PUM1: variants seen among roughly 807,000 people sequenced by gnomAD.
PUM1 encodes pumilio homolog 1.
Under a neutral mutation model 131.8 loss-of-function variants are expected in PUM1, and 13 were observed. The observed-to-expected ratio is 0.10, with a 90% CI of 0.06 to 0.16. The LOEUF is 0.16. PUM1 is among the 10% of genes least tolerant of loss of function. PUM1 has a pLI of 1.00. For missense variants in PUM1, 961 were observed against 1,512.4 expected (o/e 0.64, Z 6.05); for synonymous variants, 509 against 556.5 (o/e 0.91, Z 1.20).
Position 30,981,382 on chromosome 1 carries a change from A to G in PUM1, c.1182T>C (p.Leu394=), listed in dbSNP as rs146732607. The G allele has an allele frequency of 1.7e-4, 265 of 1,604,228 alleles. 1 individual carries two copies. In the African/African-American group the frequency reaches 3.3e-3, roughly 20 times the overall value. Reference sequence around the variant, plus strand: ...GAGCAGCTGTCAACTGCTGGACAGCAAGCGCATTAGGTCTTTGGAACAGCT... The same window carrying G: ...GAGCAGCTGTCAACTGCTGGACAGCGAGCGCATTAGGTCTTTGGAACAGCT... The part of the protein sequence containing the change: ...QQQLFQRPNA[L]AVQQLTAAQQ... Residue 394 remains leucine, a synonymous_variant, in exon 8 of 22, where the codon CTT becomes CTC. Coordinates refer to ENST00000426105, the MANE Select transcript of PUM1 (RefSeq NM_001020658.2).
intron 10 of PUM1, among the ~76,000 whole-genome samples, chr1:30,972,691 T>G (rs1640967578): frequency 6.6e-6 from 1 of 150,760 alleles, no homozygotes; most frequent in African/African-American, 2.4e-5. Flanking sequence ...GAAGAATCAC[T>G]TGAACCCAGG....
chr1:30,950,347 C>T, intron 16 of PUM1, 86 bp from the exon 17 acceptor site: 2 of 1,413,644 alleles, frequency 1.4e-6, no homozygotes, highest in East Asian at 4.7e-5. Context: ...TCTGCATCAA[C>T]CACTGGCATA....
intron 14 of PUM1, among the ~76,000 whole-genome samples, chr1:30,963,643 C>T (rs1027358409): frequency 6.6e-6 from 1 of 152,162 alleles, no homozygotes; most frequent in Non-Finnish European, 1.5e-5. Context: ...ACGAAGGCAT[C>T]CTGTTTGTTT....
chr1:31,042,612 CTTTTT>C (rs1245250308), intron 2 of PUM1, among the ~76,000 whole-genome samples: 1 of 151,884 alleles, frequency 6.6e-6, no homozygotes, highest in Non-Finnish European at 1.5e-5. Context: ...GTCTTTTTTT[CTTTTT>C]TAACTGTTTG....
chr1:30,962,622 G>C lies in PUM1; in HGVS notation c.2323+2052C>G, dbSNP rs1464690484. On this transcript the variant is annotated intron_variant, in intron 14 of 21. Transcript: ENST00000426105. ...AGGCGGGGCTTCACTATGTTGGCCA[G>C]ACTGGTCTTGAACTCCTGACCTCAA... Among the ~76,000 whole-genome samples the C allele has an allele frequency of 2.0e-5, 3 of 152,210 alleles. No homozygotes were observed. In the East Asian group the frequency reaches 5.8e-4, roughly 29 times the overall value.
chr1:30,932,286 C>A lies in PUM1; in HGVS notation c.*925G>T, dbSNP rs1638995496. 1 of 152,472 alleles carries A rather than the reference C, an allele frequency of 6.6e-6. No individual in the cohort carries two copies. Among genetic ancestry groups the A allele is most frequent in the Non-Finnish European group, 1.5e-5 (1 of 68,006 alleles). 9.4% of individuals were successfully genotyped at this position (152,472 alleles called of 1,614,324 possible). On this transcript the variant is annotated 3_prime_UTR_variant, in exon 22 of 22. Coordinates refer to ENST00000426105, the MANE Select transcript of PUM1 (RefSeq NM_001020658.2). The stretch of plus-strand genomic sequence containing the variant: ...AAAAGTATGTTCGACTACTAGGGTA[C>A]ATTATAGATACAGATTAGACATCAA...
intron 20 of PUM1, among the ~76,000 whole-genome samples, chr1:30,937,430 G>A (rs1228327787): frequency 3.3e-5 from 5 of 152,074 alleles, no homozygotes; most frequent in South Asian, 2.1e-4. Context: ...TGCTTGAATC[G>A]GGAGGCGGAG....
intron 5 of PUM1, among the ~76,000 whole-genome samples, chr1:30,998,454 C>G (rs921551321): frequency 2.0e-5 from 3 of 151,120 alleles, no homozygotes; most frequent in African/African-American, 7.4e-5. Context: ...CTGGGCAACA[C>G]AGAGGAGACG....
chr1:30,987,817 T>C (rs1027742139), intron 7 of PUM1, among the ~76,000 whole-genome samples: 1 of 152,220 alleles, frequency 6.6e-6, no homozygotes, highest in African/African-American at 2.4e-5. Context: ...AGCATGTTCT[T>C]CAATTATGAT....
chr1:31,029,170 T>C (rs1055918548), intron 2 of PUM1, among the ~76,000 whole-genome samples: 2 of 152,246 alleles, frequency 1.3e-5, no homozygotes, highest in Admixed American at 1.3e-4. Flanking sequence ...ACTTTTTAAT[T>C]TAATAAGACC....
At chr1:31,057,745 A>C (rs1012805995) in intron 2 of PUM1, among the ~76,000 whole-genome samples, 7 of 151,602 alleles carry the variant, frequency 4.6e-5, no homozygotes, top group Admixed American at 2.0e-4. Context: ...AAAAAAAAAA[A>C]AACAACTATG....
chr1:30,988,185 T>C (rs574845549), intron 7 of PUM1, among the ~76,000 whole-genome samples: 39 of 152,322 alleles, frequency 2.6e-4, no homozygotes, highest in Middle Eastern at 3.4e-3. Context: ...CCTGCTCTTA[T>C]AAATAAACCT....
chr1:31,028,906 T>C, intron 2 of PUM1, 42 bp from the exon 3 acceptor site: 1 of 1,515,766 alleles, frequency 6.6e-7, no homozygotes, highest in Non-Finnish European at 9.2e-7. Flanking sequence ...CAAGTCAGCA[T>C]CTTGAATTTT....
intron 11 of PUM1, 98 bp downstream of exon 11, chr1:30,968,256 T>C: frequency 2.6e-6 from 4 of 1,540,924 alleles, no homozygotes; most frequent in Non-Finnish European, 3.6e-6. Flanking sequence ...ATGACAAGCC[T>C]AAGCAAGGTG....
chr1:31,028,899 G>C, intron 2 of PUM1, 35 bp from the exon 3 acceptor site: 2 of 1,551,646 alleles, frequency 1.3e-6, no homozygotes, highest in Non-Finnish European at 1.8e-6. Flanking sequence ...AAATCTTCAA[G>C]TCAGCATCTT....
chr1:30,950,085 GA>G (rs758635100), intron 17 of PUM1, 41 bp downstream of exon 17: 2 of 1,593,874 alleles, frequency 1.3e-6, no homozygotes, highest in African/African-American at 2.7e-5. Context: ...GTACCATGGA[GA>G]AACATCAAAC....
At chr1:31,064,686 G>T (rs1644441627) in intron 1 of PUM1, among the ~76,000 whole-genome samples, 1 of 139,528 alleles carries the variant, frequency 7.2e-6, no homozygotes, top group African/African-American at 2.7e-5. Context: ...AACAATAAAA[G>T]GTAACAATCT....
At chr1:30,981,666 A>T (rs1641360542) in intron 7 of PUM1, among the ~76,000 whole-genome samples, 1 of 99,050 alleles carries the variant, frequency 1.0e-5, no homozygotes, top group South Asian at 4.9e-4. Context: ...CCTGAACCAC[A>T]AATACACACT....
rs976075774 is a variant in PUM1 at position 31,056,703 on chromosome 1, T to C, written c.363+2501A>G. ...GTGCAGTGGCATGATCTCTGTTCAC[T>C]GCAACTTCTGCCACCCACGCTCAAG... On this transcript the variant is annotated intron_variant, in intron 2 of 21. Coordinates refer to ENST00000426105, the MANE Select transcript of PUM1 (RefSeq NM_001020658.2). 2.1e-5 allele frequency among the ~76,000 whole-genome samples: 3 copies of C among 140,056 alleles called. No individual in the cohort carries two copies. In the Admixed American group the frequency reaches 2.4e-4, roughly 11 times the overall value. The allele number at this position is 140,056 out of a possible 152,430, so 91.9% of individuals were successfully genotyped here.
Sources: gnomAD v4.1 joint callset for allele counts (sites outside exome capture counted in the v4.1 genomes callset) on GRCh38, gnomAD v4.1.1 for gene constraint, MANE v1.5 for transcripts, NCBI Gene and HGNC (gene_info 2026-07-23, HGNC 2026-07-21) for gene names.